Variants in MS4A6E observed in about 807,000 individuals in gnomAD.
MS4A6E encodes the protein membrane spanning 4-domains A6E.
In MS4A6E, 8 loss-of-function variants were observed where a neutral mutation model predicts 13.2. The observed-to-expected ratio is 0.60, with a 90% confidence interval of 0.35 to 1.09. The LOEUF is 1.09. MS4A6E is among the 50% of genes least tolerant of loss of function. The pLI, the probability that MS4A6E is intolerant of heterozygous loss-of-function variation, is 0.02. For missense variants in MS4A6E, 177 were observed against 171.1 expected, an observed-to-expected ratio of 1.03 and a Z score of -0.19; for synonymous variants, 72 against 67.6, an observed-to-expected ratio of 1.06 and a Z score of -0.32.
intron 1 of MS4A6E, among the ~76,000 whole-genome samples, chr11:60,333,926 A>C (rs1397845597): frequency 6.6e-6 from 1 of 152,154 alleles, no homozygotes; most frequent in African/African-American, 2.4e-5. Flanking sequence ...AGCCAGGAAA[A>C]GACGCATCAA....
rs544578519 is a variant in MS4A6E, at chr11:60,340,087, T to G, written c.*9+123T>G. ...TCAGTCATGAGATACACATGGGAGG[T>G]CATTTAAATGGTGATGGAAGACCGA... is the stretch of plus-strand genomic sequence containing the variant. On this transcript the variant is annotated intron_variant, in intron 4 of 4. Coordinates refer to ENST00000684409, the MANE Select transcript of MS4A6E (RefSeq NM_139249.4). 1.3e-4 allele frequency: 184 copies of G among 1,433,808 alleles called. 1 individual carries two copies. Among genetic ancestry groups the G allele is most frequent in the South Asian group, 6.1e-4 (49 of 80,496 alleles). 88.8% of individuals were successfully genotyped at this position (1,433,808 alleles called of 1,614,324 possible).
intron 1 of MS4A6E, among the ~76,000 whole-genome samples, chr11:60,328,820 A>C (rs1045505001): frequency 6.6e-6 from 1 of 152,186 alleles, no homozygotes; most frequent in Non-Finnish European, 1.5e-5. Context: ...AAAGATACAA[A>C]GTGAAAGATA....
chr11:60,328,416 C>G (rs1038680015), intron 1 of MS4A6E, among the ~76,000 whole-genome samples: 2 of 151,994 alleles, frequency 1.3e-5, no homozygotes, highest in Admixed American at 1.3e-4. Context: ...TTCACTAGAA[C>G]AGTGGAGGGG....
At chr11:60,335,161 T>C (rs2085180963) in intron 2 of MS4A6E, 119 bp downstream of exon 2, 23 of 1,401,250 alleles carry the variant, frequency 1.6e-5, no homozygotes, top group Admixed American at 2.6e-5. Flanking sequence ...TGGAGGGACT[T>C]TGGGGTAGAA....
intron 2 of MS4A6E, chr11:60,335,660 C>A (rs995533010): frequency 9.1e-6 from 4 of 437,658 alleles, no homozygotes; most frequent in African/African-American, 8.2e-5. Context: ...GTGAGGCACT[C>A]TGTTTGACTG....
Position 60,337,955 on chromosome 11 carries a change from T to C in MS4A6E, c.354+8T>C, listed in dbSNP as rs763619375. The stretch of plus-strand genomic sequence containing the variant: ...GCCAAAGCCAGTCTGGCTGTAAGTA[T>C]TTTTTAGATGGGATGTTCTAATTTT... On this transcript the variant is annotated splice_region_variant and intron_variant, in intron 3 of 4. Coordinates refer to ENST00000684409, the MANE Select transcript of MS4A6E (RefSeq NM_139249.4). 17 of 1,610,112 alleles carry C rather than the reference T, an allele frequency of 1.1e-5. No homozygotes were observed. The highest frequency in any genetic ancestry group is 1.4e-5 in the Non-Finnish European group (16 of 1,176,842).
At chr11:60,330,756 T>C (rs181962968) in intron 1 of MS4A6E, among the ~76,000 whole-genome samples, 4 of 152,318 alleles carry the variant, frequency 2.6e-5, no homozygotes, top group African/African-American at 7.2e-5. Flanking sequence ...TTAGGTCTTA[T>C]GTTTGAATCT....
chr11:60,342,544 T>C (rs2085235001), downstream of MS4A6E, among the ~76,000 whole-genome samples: 1 of 152,148 alleles, frequency 6.6e-6, no homozygotes, highest in Admixed American at 6.5e-5. Context: ...TCAGGCATAG[T>C]AGATTGGTTG....
At chr11:60,342,495 T>G (rs1230135880), downstream of MS4A6E, among the ~76,000 whole-genome samples, 6 of 151,902 alleles carry the variant, frequency 3.9e-5, no homozygotes, top group Non-Finnish European at 7.4e-5. Flanking sequence ...ATGAGGCTGG[T>G]TTTATAGATG....
At chr11:60,343,516 A>T (rs2135067206), downstream of MS4A6E, among the ~76,000 whole-genome samples, 1 of 152,340 alleles carries the variant, frequency 6.6e-6, no homozygotes, top group Admixed American at 6.5e-5. Context: ...GTGGTGTAGT[A>T]GATAATTTAC....
At chr11:60,344,601 A>T (rs2085247537), downstream of MS4A6E, among the ~76,000 whole-genome samples, 1 of 152,230 alleles carries the variant, frequency 6.6e-6, no homozygotes. Flanking sequence ...AGAGTTTGCC[A>T]TCCTGACTGT....
chr11:60,329,135 C>A (rs1473051048), intron 1 of MS4A6E, among the ~76,000 whole-genome samples: 1 of 151,800 alleles, frequency 6.6e-6, no homozygotes, highest in African/African-American at 2.4e-5. Flanking sequence ...TAATGCTATC[C>A]CTCCCCTTGC....
downstream of MS4A6E, among the ~76,000 whole-genome samples, chr11:60,346,087 C>A (rs2085255104): frequency 6.6e-6 from 1 of 152,112 alleles, no homozygotes; most frequent in Non-Finnish European, 1.5e-5. Context: ...AACCATCAGT[C>A]CTATTGGACC....
chr11:60,348,248 G>C (rs1291405434), intron 4 of MS4A6E, among the ~76,000 whole-genome samples: 1 of 152,146 alleles, frequency 6.6e-6, no homozygotes, highest in Non-Finnish European at 1.5e-5. Context: ...AATTGGAAAA[G>C]CTAGAGTGTT....
At chr11:60,329,968 GGT>G (rs1275817977) in intron 1 of MS4A6E, among the ~76,000 whole-genome samples, 1,659 of 148,730 alleles carry the variant, frequency 0.011, 32 homozygotes, top group East Asian at 0.047. Flanking sequence ...TGAGACTACA[GGT>G]GCATACCAGC....
In MS4A6E at chr11:60,337,922, G is replaced by T; in HGVS notation, c.329G>T (p.Cys110Phe). The T allele has an allele frequency of 6.2e-7, 1 of 1,614,168 alleles. No individual in the cohort carries two copies. The highest frequency in any genetic ancestry group is 8.5e-7 in the Non-Finnish European group (1 of 1,180,026). The change falls in exon 3 of 5, where the codon TGC becomes TTC. Residue 110 changes from cysteine (C) to phenylalanine (F), a missense_variant. Coordinates refer to ENST00000684409, the MANE Select transcript of MS4A6E (RefSeq NM_139249.4). ...TATCATTCACCTTACACCATGGACT[G>T]CCATAGAGCCAAAGCCAGTCTGGCT... ...YDYHSPYTMD[C>F]HRAKASLAGT...
intron 4 of MS4A6E, among the ~76,000 whole-genome samples, chr11:60,340,292 C>T (rs184688077): frequency 4.9e-4 from 75 of 152,280 alleles, no homozygotes; most frequent in Non-Finnish European, 7.6e-4. Context: ...GTGCTGAGGA[C>T]GCTAGAACCT....
chr11:60,330,365 G>A lies in MS4A6E; in HGVS notation c.-15+2957G>A, dbSNP rs1322784315. Among the ~76,000 whole-genome samples, 16 of 119,996 alleles carry A rather than the reference G, an allele frequency of 1.3e-4. 1 individual carries two copies. Among genetic ancestry groups the A allele is most frequent in the South Asian group, 5.1e-4 (2 of 3,900 alleles). 78.7% of individuals were successfully genotyped at this position (119,996 alleles called of 152,430 possible). A position where few individuals can be genotyped will look rare whatever the true frequency, so the allele number is the denominator to read the frequency against. On this transcript the variant is annotated intron_variant, in intron 1 of 4. Transcript: ENST00000684409. ...TTTTTTTTTTTTTTTTTTTTTAGGCGGAGTCTCACTCTTTTGCCCAGGCTG... is the reference window on the plus strand; with the variant it reads ...TTTTTTTTTTTTTTTTTTTTTAGGCAGAGTCTCACTCTTTTGCCCAGGCTG...
intron 4 of MS4A6E, among the ~76,000 whole-genome samples, chr11:60,348,649 G>A (rs2085266203): frequency 2.0e-5 from 3 of 152,326 alleles, no homozygotes; most frequent in East Asian, 1.9e-4. Context: ...ACACCAGGGT[G>A]TAACCCTGGC....
Sources: allele counts gnomAD v4.1 joint callset (sites outside exome capture counted in the v4.1 genomes callset), GRCh38; gene constraint gnomAD v4.1.1; transcripts MANE v1.5; gene names NCBI Gene and HGNC (gene_info 2026-07-23, HGNC 2026-07-21).